The following PRELID2 variants were observed in gnomAD, a reference collection of about 807,000 sequenced individuals.
PRELID2 encodes PRELI domain-containing protein 2.
In PRELID2, 25 loss-of-function variants were observed where a neutral mutation model predicts 28.4. The observed-to-expected ratio is 0.88, with a 90% CI of 0.64 to 1.23. The LOEUF is 1.23. Ranked by LOEUF, PRELID2 falls within the 50% of genes most tolerant of loss-of-function variation. The probability of loss-of-function intolerance (pLI) is 0.00; values close to 1 mark genes in which losing one functional copy is unlikely to be tolerated. For missense variants in PRELID2, 201 were observed against 214.4 expected (o/e 0.94, Z 0.39); for synonymous variants, 76 against 71.6 (o/e 1.06, Z -0.31).
At chr5:145,420,365 C>G in the PRELID2 span, among the ~76,000 whole-genome samples, 1 of 151,898 alleles carries the variant, frequency 6.6e-6, no homozygotes, top group Admixed American at 6.6e-5. Context: ...TACCCATGAG[C>G]ATGGAATGTT....
At chr5:145,816,890 G>C (rs1754340352) in intron 4 of PRELID2, among the ~76,000 whole-genome samples, 1 of 152,080 alleles carries the variant, frequency 6.6e-6, no homozygotes. Flanking sequence ...GCCAGGCACA[G>C]TGGATCACGC....
At chr5:145,246,620 T>C in the PRELID2 span, among the ~76,000 whole-genome samples, 1 of 152,080 alleles carries the variant, frequency 6.6e-6, no homozygotes, top group African/African-American at 2.4e-5. Context: ...GCATGAATAG[T>C]TTATTAAGGA....
chr5:145,687,055 T>A (rs368669158), intron 1 of PRELID2, among the ~76,000 whole-genome samples: 2 of 152,222 alleles, frequency 1.3e-5, no homozygotes, highest in African/African-American at 2.4e-5. Context: ...AGGTTTTTTT[T>A]AATTTGTCAC....
At chr5:145,790,198 A>G (rs559514895) in intron 5 of PRELID2, among the ~76,000 whole-genome samples, 2 of 152,322 alleles carry the variant, frequency 1.3e-5, no homozygotes, top group South Asian at 4.1e-4. Context: ...CTGAACTCTC[A>G]TGTTCACTGC....
At chr5:145,736,622 A>G (rs1472066910) in intron 1 of PRELID2, among the ~76,000 whole-genome samples, 2 of 152,188 alleles carry the variant, frequency 1.3e-5, no homozygotes, top group Admixed American at 6.5e-5. Context: ...TTCATCTTCC[A>G]TACTTCTGAG....
chr5:145,597,013 C>T (rs1273115005), intron 1 of PRELID2, among the ~76,000 whole-genome samples: 1 of 151,898 alleles, frequency 6.6e-6, no homozygotes, highest in African/African-American at 2.4e-5. Context: ...TCCATATGGT[C>T]AAAAAATACT....
chr5:145,411,269 T>G, the PRELID2 span, among the ~76,000 whole-genome samples: 6 of 152,068 alleles, frequency 3.9e-5, no homozygotes, highest in Non-Finnish European at 5.9e-5. Context: ...GGAAACTGCC[T>G]CATAAAGCCA....
intron 1 of PRELID2, among the ~76,000 whole-genome samples, chr5:145,514,005 T>C (rs941262327): frequency 9.9e-5 from 15 of 151,876 alleles, no homozygotes; most frequent in Admixed American, 9.8e-4. Context: ...GCACTAAATA[T>C]GGAAAGGAAA....
intron 1 of PRELID2, among the ~76,000 whole-genome samples, chr5:145,694,346 T>C (rs1393113800): frequency 6.6e-6 from 1 of 152,188 alleles, no homozygotes; most frequent in Non-Finnish European, 1.5e-5. Flanking sequence ...GGGGGCAGTC[T>C]TTATGTTTAT....
intron 1 of PRELID2, among the ~76,000 whole-genome samples, chr5:145,710,590 T>C (rs1755666886): frequency 6.6e-6 from 1 of 152,164 alleles, no homozygotes; most frequent in South Asian, 2.1e-4. Flanking sequence ...CGAACTATTC[T>C]CTCCCAAGAA....
At chr5:145,309,153 T>C in the PRELID2 span, among the ~76,000 whole-genome samples, 7 of 152,352 alleles carry the variant, frequency 4.6e-5, no homozygotes, top group African/African-American at 1.7e-4. Flanking sequence ...GCCTGAGGTC[T>C]TTATCTCTCC....
chr5:145,650,624 C>T (rs1754278708), intron 1 of PRELID2, among the ~76,000 whole-genome samples: 1 of 135,918 alleles, frequency 7.4e-6, no homozygotes, highest in Non-Finnish European at 1.5e-5. Flanking sequence ...CAGTCATTTT[C>T]ACACAATATA....
chr5:145,834,108 G>C (rs893080324), intron 1 of PRELID2, among the ~76,000 whole-genome samples: 4 of 152,218 alleles, frequency 2.6e-5, no homozygotes, highest in African/African-American at 9.7e-5. Context: ...TTGAGGAAGA[G>C]TTCATTATCT....
intron 1 of PRELID2, among the ~76,000 whole-genome samples, chr5:145,709,564 T>C (rs1348984178): frequency 6.6e-6 from 1 of 151,818 alleles, no homozygotes; most frequent in African/African-American, 2.4e-5. Flanking sequence ...AAGCAGGTTC[T>C]AGTCCTTGAT....
intron 1 of PRELID2, among the ~76,000 whole-genome samples, chr5:145,577,203 T>C (rs1379940142): frequency 1.3e-5 from 2 of 151,958 alleles, no homozygotes; most frequent in Non-Finnish European, 2.9e-5. Context: ...TCAAAAGCAA[T>C]CAAAGAAACA....
chr5:145,776,256 T>C (rs1758402556), intron 5 of PRELID2, among the ~76,000 whole-genome samples: 1 of 152,248 alleles, frequency 6.6e-6, no homozygotes, highest in Admixed American at 6.5e-5. Flanking sequence ...ATCCACACTG[T>C]AGACACTGCT....
chr5:145,749,180 G>A (rs747752936), intron 1 of PRELID2, among the ~76,000 whole-genome samples: 2 of 152,090 alleles, frequency 1.3e-5, no homozygotes, highest in Non-Finnish European at 2.9e-5. Flanking sequence ...AGAGTGAAGA[G>A]GCAACCTGCA....
the PRELID2 span, among the ~76,000 whole-genome samples, chr5:145,395,347 C>T: frequency 2.7e-4 from 41 of 152,098 alleles, no homozygotes; most frequent in African/African-American, 6.5e-4. Flanking sequence ...ACTAAAAAGA[C>T]TGGGAACTGT....
At chr5:145,528,358 T>C (rs1752626086) in intron 1 of PRELID2, among the ~76,000 whole-genome samples, 1 of 152,120 alleles carries the variant, frequency 6.6e-6, no homozygotes, top group African/African-American at 2.4e-5. Flanking sequence ...TCAGTAACTA[T>C]TTGTTGAATG....
Sources: gnomAD v4.1 joint callset for allele counts (sites outside exome capture counted in the v4.1 genomes callset) on GRCh38, gnomAD v4.1.1 for gene constraint, MANE v1.5 for transcripts, NCBI Gene and HGNC (gene_info 2026-07-23, HGNC 2026-07-21) for gene names.